The following GRIN2A variants were observed in gnomAD, a reference collection of about 807,000 sequenced individuals.
GRIN2A encodes the protein glutamate receptor ionotropic, NMDA 2A.
A neutral mutation model predicts 113.4 loss-of-function variants in GRIN2A; 22 were observed. The ratio of observed to expected loss-of-function variants is 0.19; its 90% confidence interval spans 0.14 to 0.28. The LOEUF is 0.28. Ranked by LOEUF, GRIN2A falls within the 10% of genes least tolerant of loss-of-function variation. GRIN2A has a pLI of 1.00. For missense variants in GRIN2A, 1,502 were observed against 1,887.0 expected, an observed-to-expected ratio of 0.80 and a Z score of 3.78; for synonymous variants, 827 against 738.4, an observed-to-expected ratio of 1.12 and a Z score of -1.94.
At chr16:10,174,324 G>T (rs1212152808) in intron 2 of GRIN2A, among the ~76,000 whole-genome samples, 1 of 152,184 alleles carries the variant, frequency 6.6e-6, no homozygotes, top group East Asian at 1.9e-4. Flanking sequence ...CGTAGAATGG[G>T]AAGAGAGTAC....
rs547030902 is a variant in GRIN2A at position 9,986,512 on chromosome 16, C to T, written c.415-47961G>A. ...GAGTGCGGTGGCTCACACCTGTAAT[C>T]CCAGCACCTTGAGGGGCCAAGGTGG... On this transcript the variant is annotated intron_variant, in intron 2 of 12. Transcript: ENST00000330684. 8.0e-4 allele frequency among the ~76,000 whole-genome samples: 122 copies of T among 152,066 alleles called. 3 individuals carry two copies. In the South Asian group the frequency reaches 0.025, roughly 31 times the overall value.
rs1900383824 is a variant in GRIN2A, at chr16:9,757,259, G to A, written c.*5890C>T. 4.5e-6 allele frequency: 1 copy of A among 220,382 alleles called. No homozygotes were observed. The highest frequency in any genetic ancestry group is 5.8e-5 in the Admixed American group (1 of 17,268). The allele number at this position is 220,382 out of a possible 1,614,324, so 13.7% of individuals were successfully genotyped here. A position where few individuals can be genotyped will look rare whatever the true frequency, so the allele number is the denominator to read the frequency against. Reference sequence around the variant, plus strand: ...GTGTTCACCTGGTTAGCAGCTCCTGGGTCTCCTAAGTCCATTATTTGAAGA... The same window carrying A: ...GTGTTCACCTGGTTAGCAGCTCCTGAGTCTCCTAAGTCCATTATTTGAAGA... On this transcript the variant is annotated 3_prime_UTR_variant, in exon 13 of 13. Coordinates refer to ENST00000330684, the MANE Select transcript of GRIN2A (RefSeq NM_001134407.3).
intron 2 of GRIN2A, among the ~76,000 whole-genome samples, chr16:10,162,771 T>G (rs1299398277): frequency 6.6e-6 from 1 of 152,198 alleles, no homozygotes; most frequent in African/African-American, 2.4e-5. Flanking sequence ...ATTCAGTGCA[T>G]TCTCAACAAT....
At chr16:9,831,581 T>A (rs1353710014) in intron 8 of GRIN2A, among the ~76,000 whole-genome samples, 1 of 147,532 alleles carries the variant, frequency 6.8e-6, no homozygotes, top group Non-Finnish European at 1.5e-5. Flanking sequence ...AGTGGCACAA[T>A]CTCGGCTCAC....
intron 3 of GRIN2A, among the ~76,000 whole-genome samples, chr16:9,891,305 C>T (rs980520826): frequency 2.0e-5 from 3 of 152,130 alleles, no homozygotes; most frequent in African/African-American, 4.8e-5. Context: ...GTAATTAACA[C>T]GTGGAATGTA....
intron 2 of GRIN2A, among the ~76,000 whole-genome samples, chr16:10,140,347 A>C (rs1401776883): frequency 6.6e-6 from 1 of 152,180 alleles, no homozygotes; most frequent in African/African-American, 2.4e-5. Context: ...GAGGAACTTC[A>C]GAAGAATTCA....
intron 9 of GRIN2A, among the ~76,000 whole-genome samples, chr16:9,829,134 T>G (rs569274644): frequency 6.6e-6 from 1 of 152,126 alleles, no homozygotes; most frequent in Admixed American, 6.5e-5. Flanking sequence ...GAGTCATAGG[T>G]CATTCACAAG....
intron 3 of GRIN2A, among the ~76,000 whole-genome samples, chr16:9,908,489 G>A (rs1056060591): frequency 6.6e-6 from 1 of 151,738 alleles, no homozygotes; most frequent in Non-Finnish European, 1.5e-5. Flanking sequence ...CAACTACAGA[G>A]AAATAATTGT....
At chr16:10,091,880 T>G (rs2048190797) in intron 2 of GRIN2A, among the ~76,000 whole-genome samples, 1 of 152,174 alleles carries the variant, frequency 6.6e-6, no homozygotes, top group African/African-American at 2.4e-5. Context: ...GAGCAATGAT[T>G]GACAGGCCTG....
At chr16:10,021,158 G>A (rs866334355) in intron 2 of GRIN2A, among the ~76,000 whole-genome samples, 1 of 152,218 alleles carries the variant, frequency 6.6e-6, no homozygotes, top group Middle Eastern at 3.4e-3. Flanking sequence ...GTGGGAGAGG[G>A]AAGACCACAG....
intron 2 of GRIN2A, among the ~76,000 whole-genome samples, chr16:9,973,098 T>C (rs1179305832): frequency 6.6e-6 from 1 of 152,092 alleles, no homozygotes; most frequent in Non-Finnish European, 1.5e-5. Flanking sequence ...AACTGATCCA[T>C]CAGATGAAGG....
chr16:9,848,520 G>A (rs4327046), intron 5 of GRIN2A, among the ~76,000 whole-genome samples: 53,431 of 150,332 alleles, frequency 0.36, 10,689 homozygotes, highest in African/African-American at 0.55. Context: ...CCAACCATAT[G>A]TATTTTTAAT....
intron 2 of GRIN2A, among the ~76,000 whole-genome samples, chr16:9,977,033 T>C (rs2045787565): frequency 6.6e-6 from 1 of 152,214 alleles, no homozygotes; most frequent in African/African-American, 2.4e-5. Flanking sequence ...AAGAGTTGAC[T>C]CTCCACCTTC....
chr16:9,988,387 T>C (rs1298034726), intron 2 of GRIN2A, among the ~76,000 whole-genome samples: 1 of 152,016 alleles, frequency 6.6e-6, no homozygotes, highest in East Asian at 1.9e-4. Flanking sequence ...TACCACTCAA[T>C]TTTCTACAAT....
intron 7 of GRIN2A, among the ~76,000 whole-genome samples, chr16:9,834,936 C>T (rs2042561743): frequency 6.6e-6 from 1 of 152,072 alleles, no homozygotes; most frequent in Non-Finnish European, 1.5e-5. Context: ...AGACTAGACC[C>T]AAATAGTAAA....
chr16:9,827,537 GAAGC>G (rs2058838918), intron 9 of GRIN2A, among the ~76,000 whole-genome samples: 1 of 152,192 alleles, frequency 6.6e-6, no homozygotes, highest in Non-Finnish European at 1.5e-5. Flanking sequence ...TTCCTGCTTC[GAAGC>G]AAGGGAGCAG....
chr16:10,095,824 T>C (rs959741391), intron 2 of GRIN2A, among the ~76,000 whole-genome samples: 1 of 152,120 alleles, frequency 6.6e-6, no homozygotes. Flanking sequence ...CATCTCTTGA[T>C]ACAATGCACC....
intron 9 of GRIN2A, 122 bp downstream of exon 9, chr16:9,829,301 C>G: frequency 1.5e-6 from 1 of 680,146 alleles, no homozygotes; most frequent in Non-Finnish European, 2.6e-6. Context: ...AGAGAAAAAA[C>G]CTTCTGGCTT....
intron 10 of GRIN2A, 45 bp downstream of exon 10, chr16:9,822,219 T>A (rs767317518): frequency 6.2e-7 from 1 of 1,601,112 alleles, no homozygotes; most frequent in Non-Finnish European, 8.6e-7. Context: ...TCTGTAAGGT[T>A]TATCGCTCGC....
Sources: gnomAD v4.1 joint callset for allele counts (sites outside exome capture counted in the v4.1 genomes callset) on GRCh38, gnomAD v4.1.1 for gene constraint, MANE v1.5 for transcripts, NCBI Gene and HGNC (gene_info 2026-07-23, HGNC 2026-07-21) for gene names.